The following SOX5 variants were observed in gnomAD, a reference collection of about 807,000 sequenced individuals.
SOX5 encodes the protein transcription factor SOX-5.
SOX5 carries 9 observed loss-of-function variants against 92.0 expected under a neutral mutation model. That is an observed-to-expected ratio of 0.10 (90% CI 0.06 to 0.17). The LOEUF is 0.17. Among genes scored for constraint, SOX5 ranks in the 10% least tolerant of loss-of-function variants. The pLI, the probability that SOX5 is intolerant of heterozygous loss-of-function variation, is 1.00. For synonymous variants in SOX5, 344 were observed against 336.3 expected (o/e 1.02, Z -0.25); for missense variants, 642 against 944.5 (o/e 0.68, Z 4.20).
At chr12:24,524,340 CATCTATCTATCTATCT>C (rs146131503) in intron 1 of SOX5, among the ~76,000 whole-genome samples, 16 of 145,150 alleles carry the variant, frequency 1.1e-4, no homozygotes, top group Middle Eastern at 3.3e-3. Flanking sequence ...AATCCCCTCC[CATCTATCTATCTATCT>C]ATCTATCTAT....
chr12:23,758,701 A>C (rs1469777117), intron 3 of SOX5, among the ~76,000 whole-genome samples: 2 of 151,986 alleles, frequency 1.3e-5, no homozygotes, highest in African/African-American at 4.8e-5. Context: ...GCATGTGTTG[A>C]AAATTTAACC....
chr12:24,530,689 G>A (rs780721496), intron 1 of SOX5, among the ~76,000 whole-genome samples: 12 of 146,694 alleles, frequency 8.2e-5, no homozygotes, highest in Middle Eastern at 3.5e-3. Context: ...TTCTCTACTC[G>A]TATCTAATAT....
At chr12:24,183,708 G>A (rs1955738798) in intron 4 of SOX5, among the ~76,000 whole-genome samples, 1 of 152,068 alleles carries the variant, frequency 6.6e-6, no homozygotes, top group African/African-American at 2.4e-5. Context: ...TTTTTATGTT[G>A]TTTTCCTATA....
At chr12:23,928,127 C>T (rs968247073) in intron 1 of SOX5, among the ~76,000 whole-genome samples, 1 of 151,958 alleles carries the variant, frequency 6.6e-6, no homozygotes, top group African/African-American at 2.4e-5. Flanking sequence ...AATAAGGTAA[C>T]AAAACCTGAA....
At chr12:24,537,130 T>G (rs980308893) in intron 1 of SOX5, among the ~76,000 whole-genome samples, 24 of 152,310 alleles carry the variant, frequency 1.6e-4, no homozygotes, top group African/African-American at 5.8e-4. Flanking sequence ...ATTCCTCAAA[T>G]TGGAATAACT....
intron 3 of SOX5, among the ~76,000 whole-genome samples, chr12:23,788,276 G>A (rs1401319187): frequency 2.0e-5 from 3 of 151,960 alleles, no homozygotes; most frequent in Non-Finnish European, 4.4e-5. Flanking sequence ...TAGTACAATT[G>A]CTAGGGCATC....
chr12:23,540,967 C>T (rs1941912020), intron 13 of SOX5, among the ~76,000 whole-genome samples: 1 of 146,102 alleles, frequency 6.8e-6, no homozygotes, highest in South Asian at 2.3e-4. Flanking sequence ...TTGAAGATCA[C>T]TTATTTATTT....
At chr12:23,989,974 G>A (rs945215483) in intron 4 of SOX5, among the ~76,000 whole-genome samples, 3 of 151,760 alleles carry the variant, frequency 2.0e-5, no homozygotes, top group Non-Finnish European at 4.4e-5. Flanking sequence ...TTATTTAAAT[G>A]AACATTAATT....
chr12:24,462,051 A>AT (rs753758685), intron 1 of SOX5, among the ~76,000 whole-genome samples: 10 of 152,326 alleles, frequency 6.6e-5, no homozygotes, highest in South Asian at 2.1e-4. Context: ...ATGTACAATC[A>AT]TGCATCACTA....
chr12:23,800,162 A>G (rs762756173), intron 3 of SOX5, among the ~76,000 whole-genome samples: 5 of 152,074 alleles, frequency 3.3e-5, no homozygotes, highest in Admixed American at 6.5e-5. Context: ...CAACATTTTT[A>G]AATGGTTGAA....
intron 4 of SOX5, among the ~76,000 whole-genome samples, chr12:23,985,605 G>A (rs1949990877): frequency 6.6e-6 from 1 of 151,878 alleles, no homozygotes; most frequent in South Asian, 2.1e-4. Flanking sequence ...TAAGTGAAGA[G>A]CCTTCATAGA....
chr12:24,157,043 T>G (rs35673563), intron 4 of SOX5, among the ~76,000 whole-genome samples: 1 of 152,076 alleles, frequency 6.6e-6, no homozygotes, highest in African/African-American at 2.4e-5. Context: ...ATTAGTCTAA[T>G]GATATTTTAC....
chr12:23,991,029 G>A (rs576182419), intron 4 of SOX5, among the ~76,000 whole-genome samples: 1 of 147,456 alleles, frequency 6.8e-6, no homozygotes, highest in Non-Finnish European at 1.5e-5. Flanking sequence ...GAGGCCAAAT[G>A]AGCTTCGTAA....
intron 1 of SOX5, among the ~76,000 whole-genome samples, chr12:24,533,892 C>A (rs1365323246): frequency 6.6e-6 from 1 of 152,124 alleles, no homozygotes; most frequent in Non-Finnish European, 1.5e-5. Flanking sequence ...AGGAGACAGT[C>A]GTTAGTGTGC....
intron 1 of SOX5, among the ~76,000 whole-genome samples, chr12:24,551,719 T>G (rs985782784): frequency 2.6e-5 from 4 of 152,192 alleles, no homozygotes; most frequent in African/African-American, 7.2e-5. Context: ...GTTTATTTGT[T>G]TGTATAAAAG....
intron 11 of SOX5, among the ~76,000 whole-genome samples, chr12:23,553,695 T>G (rs941159510): frequency 6.6e-6 from 1 of 151,926 alleles, no homozygotes; most frequent in African/African-American, 2.4e-5. Context: ...TGTGAGAAAA[T>G]CAGGAGGCCA....
intron 4 of SOX5, among the ~76,000 whole-genome samples, chr12:24,081,521 A>G (rs76744531): frequency 0.026 from 3,935 of 152,094 alleles, 116 homozygotes; most frequent in South Asian, 0.081. Flanking sequence ...ATAAATGTCC[A>G]TTCCATCTGT....
In SOX5 at chr12:24,356,451, C is replaced by G. The variant is rs1314114779; in HGVS notation, c.-174+12112G>C. Among the ~76,000 whole-genome samples the G allele has an allele frequency of 2.0e-5, 3 of 151,972 alleles. No individual in the cohort carries two copies. In the East Asian group the frequency reaches 5.8e-4, roughly 29 times the overall value. On this transcript the variant is annotated intron_variant, in intron 2 of 4. Coordinates refer to the SOX5 transcript ENST00000446891. ...TCTCTGTTCCTCCTCCTTCCTCTCT[C>G]TCTCTTTCTCTCTTGGTGGCCATTA...
intron 2 of SOX5, among the ~76,000 whole-genome samples, chr12:24,317,426 A>G (rs1283399551): frequency 2.0e-5 from 3 of 152,218 alleles, no homozygotes; most frequent in Non-Finnish European, 2.9e-5. Flanking sequence ...TACCCTTGTC[A>G]ACACTGCCAG....
Sources: allele counts gnomAD v4.1 joint callset (sites outside exome capture counted in the v4.1 genomes callset), GRCh38; gene constraint gnomAD v4.1.1; transcripts MANE v1.5; gene names NCBI Gene and HGNC (gene_info 2026-07-23, HGNC 2026-07-21).